Variants in GBP2 observed in about 807,000 individuals in gnomAD.
GBP2 encodes the protein guanylate-binding protein 2.
Under a neutral mutation model 60.8 loss-of-function variants are expected in GBP2, and 54 were observed. The ratio of observed to expected loss-of-function variants is 0.89; its 90% confidence interval spans 0.71 to 1.11. The LOEUF (loss-of-function observed/expected upper bound fraction) is 1.11, where lower values mean the gene tolerates loss of function less well. GBP2 is among the 50% of genes most tolerant of loss of function. GBP2 has a pLI of 0.00. For missense variants in GBP2, 665 were observed against 703.3 expected, an observed-to-expected ratio of 0.95 and a Z score of 0.62; for synonymous variants, 243 against 256.5, an observed-to-expected ratio of 0.95 and a Z score of 0.50.
At position 89,117,615 on chromosome 1, in the gene GBP2, G is replaced by A; in HGVS notation, c.587C>T (p.Ala196Val). The change falls in exon 5 of 11, where the codon GCT (alanine) becomes GTT (valine). Residue 196 changes from alanine to valine, a missense_variant. Physicochemically the swap from Ala to Val is moderately conservative, Grantham distance 64. Coordinates refer to ENST00000370466, the MANE Select transcript of GBP2 (RefSeq NM_004120.5). ...ELEVDGEPIT[A>V]DDYLELSLKL... ...TAGCGAAAGCTCCAAGTAGTCATCA[G>A]CAGTGATGGGTTCTCCATCTACTTC... 1 of 1,614,054 alleles carries A rather than the reference G, an allele frequency of 6.2e-7. No homozygotes were observed. Among genetic ancestry groups the A allele is most frequent in the Non-Finnish European group, 8.5e-7 (1 of 1,179,954 alleles).
In GBP2 at chr1:89,109,766, C is replaced by T; in HGVS notation, c.1570G>A (p.Glu524Lys). The change falls in exon 10 of 11, where the codon GAA becomes AAA. Residue 524 changes from glutamate (E) to lysine (K), a missense_variant. By Grantham distance (56) the Glu-to-Lys change is moderately conservative. Transcript: ENST00000370466. ...TTCTCAGTCAATTGTTTCACATGTT[C>T]CTGATAACTCTTCTCTTTCTGTTCC... ...MMEQKEKSYQ[E>K]HVKQLTEKME... 1 of 1,613,988 alleles carries T rather than the reference C, an allele frequency of 6.2e-7. No individual in the cohort carries two copies. The highest frequency in any genetic ancestry group is 8.5e-7 in the Non-Finnish European group (1 of 1,179,900).
Position 89,117,622 on chromosome 1 carries a change from T to C in GBP2, c.580A>G (p.Ile194Val). 1 of 1,614,132 alleles carries C rather than the reference T, an allele frequency of 6.2e-7. No homozygotes were observed. The highest frequency in any genetic ancestry group is 8.5e-7 in the Non-Finnish European group (1 of 1,179,986). ...TLELEVDGEP[I>V]TADDYLELSL... ...AGCTCCAAGTAGTCATCAGCAGTGA[T>C]GGGTTCTCCATCTACTTCCAGTTCC... is the stretch of plus-strand genomic sequence containing the variant. The change falls in exon 5 of 11, where the codon ATC becomes GTC. Residue 194 changes from isoleucine (I) to valine (V), a missense_variant. Coordinates refer to ENST00000370466, the MANE Select transcript of GBP2 (RefSeq NM_004120.5).
Position 89,126,094 on chromosome 1 carries a change from T to C in GBP2, c.-249A>G, listed in dbSNP as rs1044284982. 1 of 152,208 alleles carries C rather than the reference T, an allele frequency of 6.6e-6. No homozygotes were observed. Among genetic ancestry groups the C allele is most frequent in the African/African-American group, 2.4e-5 (1 of 41,452 alleles). 9.4% of individuals were successfully genotyped at this position (152,208 alleles called of 1,614,324 possible). On this transcript the variant is annotated 5_prime_UTR_variant, in exon 1 of 11. Transcript: ENST00000370466. Reference sequence around the variant, plus strand: ...AGAGACAAGAAAAAGAGGTAACCTCTGCAAAGAAATGCACTAATATGAAAC... The same window carrying C: ...AGAGACAAGAAAAAGAGGTAACCTCCGCAAAGAAATGCACTAATATGAAAC...
At position 89,124,794 on chromosome 1, in the gene GBP2, TCTG is replaced by T. The variant is rs757668244; in HGVS notation, c.-18+1066_-18+1068del. ...TATCTCAAATCTGACATGTAGAAAA[TCTG>T]CTGATTTTTTACTCAATTATGTTAC... On this transcript the variant is annotated intron_variant, in intron 1 of 10. Transcript: ENST00000370466. Among the ~76,000 whole-genome samples, 56 of 152,332 alleles carry T rather than the reference TCTG, an allele frequency of 3.7e-4. 6 individuals are homozygous for T. The highest frequency in any genetic ancestry group is 9.2e-4 in the Admixed American group (14 of 15,300).
At position 89,121,861 on chromosome 1, in the gene GBP2, G is replaced by T. The variant is rs759711420; in HGVS notation, c.106C>A (p.Gln36Lys). Residue 36 changes from glutamine (Q) to lysine (K), a missense_variant, in exon 2 of 11, where the codon CAG (glutamine) becomes AAG (lysine). Transcript: ENST00000370466. ...EALKILSAIT[Q>K]PVVVVAIVGL... ...ACAATCGCCACCACCACCACAGGCTGCGTAATTGCAGATAGGATCTTCAGA... is the reference window on the plus strand; with the variant it reads ...ACAATCGCCACCACCACCACAGGCTTCGTAATTGCAGATAGGATCTTCAGA... 4 of 1,614,144 alleles carry T rather than the reference G, an allele frequency of 2.5e-6. No individual in the cohort carries two copies. The South Asian group carries it at 4.4e-5, about 18-fold the overall frequency.
chr1:89,110,157 T>G lies in GBP2; in HGVS notation c.1465+7A>C. 6.3e-7 allele frequency: 1 copy of G among 1,597,742 alleles called. No individual in the cohort carries two copies. Among genetic ancestry groups the G allele is most frequent in the Non-Finnish European group, 8.6e-7 (1 of 1,165,754 alleles). On this transcript the variant is annotated splice_region_variant and intron_variant, in intron 9 of 10. Coordinates refer to ENST00000370466, the MANE Select transcript of GBP2 (RefSeq NM_004120.5). Reference sequence around the variant, plus strand: ...CGACCATGTAGAGTGTTTTCAGCTGTTCTCACCTTCAATCGCTTTTTCCTT... The same window carrying G: ...CGACCATGTAGAGTGTTTTCAGCTGGTCTCACCTTCAATCGCTTTTTCCTT...
At chr1:89,119,009 T>C (rs917322172) in intron 4 of GBP2, 2 of 152,290 alleles carry the variant, frequency 1.3e-5, no homozygotes, top group South Asian at 4.1e-4. Context: ...GATTTGATGG[T>C]GATAAACATA....
intron 1 of GBP2, among the ~76,000 whole-genome samples, chr1:89,124,736 A>C (rs1404450800): frequency 6.6e-6 from 1 of 152,204 alleles, no homozygotes; most frequent in African/African-American, 2.4e-5. Flanking sequence ...TTTGCTGTGA[A>C]TCAGCATTCA....
In GBP2 at chr1:89,110,791, C is replaced by A. The variant is rs182580790; in HGVS notation, c.1363-525G>T. 6.0e-4 allele frequency among the ~76,000 whole-genome samples: 92 copies of A among 152,278 alleles called. 1 individual carries two copies. The highest frequency in any genetic ancestry group is 2.7e-3 in the Admixed American group (41 of 15,300). On this transcript the variant is annotated intron_variant, in intron 8 of 10. Transcript: ENST00000370466. ...TACACCAAAATCTCAGAAATCACCA[C>A]TAAAGAACTTATTCATGTAACCAAA...
intron 6 of GBP2, 45 bp from the exon 7 acceptor site, chr1:89,114,341 G>A (rs116671729): frequency 0.018 from 28,979 of 1,596,464 alleles, 314 homozygotes; most frequent in Middle Eastern, 0.037. Context: ...CAGTTGGTGG[G>A]ACAGAATATT....
intron 7 of GBP2, 46 bp downstream of exon 7, chr1:89,113,970 G>A (rs1476973823): frequency 1.2e-6 from 2 of 1,600,518 alleles, no homozygotes; most frequent in Non-Finnish European, 1.7e-6. Flanking sequence ...TTCCCATGAA[G>A]GGCCCATATT....
At chr1:89,112,438 A>C in intron 8 of GBP2, 34 bp downstream of exon 8, 4 of 1,582,634 alleles carry the variant, frequency 2.5e-6, no homozygotes, top group Non-Finnish European at 3.5e-6. Context: ...CCCCTCAGCG[A>C]GTCCCAAGAA....
intron 4 of GBP2, chr1:89,118,430 A>C (rs990497917): frequency 2.0e-5 from 3 of 152,226 alleles, no homozygotes; most frequent in South Asian, 2.1e-4. Flanking sequence ...CAGAAGCCTT[A>C]AAATAAATAG....
At chr1:89,117,449 C>G in intron 5 of GBP2, 128 bp downstream of exon 5, 1 of 965,616 alleles carries the variant, frequency 1.0e-6, no homozygotes, top group South Asian at 1.6e-5. Context: ...GCAATGTTTC[C>G]ATTTCCTCTA....
At chr1:89,124,240 C>T (rs1570326073) in intron 1 of GBP2, among the ~76,000 whole-genome samples, 1 of 152,162 alleles carries the variant, frequency 6.6e-6, no homozygotes, top group Non-Finnish European at 1.5e-5. Flanking sequence ...ATAGGAGTAA[C>T]TTTAGGATAG....
chr1:89,112,972 A>G (rs1681193802), intron 7 of GBP2: 1 of 400,576 alleles, frequency 2.5e-6, no homozygotes, highest in Non-Finnish European at 4.6e-6. Context: ...TATCTTTCCA[A>G]GTCTCTCATT....
In GBP2 at chr1:89,117,165, T is replaced by C; in HGVS notation, c.695A>G (p.Lys232Arg). 2 of 1,614,206 alleles carry C rather than the reference T, an allele frequency of 1.2e-6. No homozygotes were observed. Among genetic ancestry groups the C allele is most frequent in the Admixed American group, 1.7e-5 (1 of 60,024 alleles). ...AGCGGGCCAATCGAAGACGAAGCAC[T>C]TCCTCTTGGGGAAGAACTTTCGGAT... ...LCIRKFFPKR[K>R]CFVFDWPAPK... The change falls in exon 6 of 11, where the codon AAG becomes AGG. Residue 232 changes from lysine to arginine, a missense_variant. Lys to Arg is a conservative substitution (Grantham distance 26). Coordinates refer to ENST00000370466, the MANE Select transcript of GBP2 (RefSeq NM_004120.5).
rs1681220393 is a variant in GBP2, at chr1:89,114,088, C to CTT, written c.1076_1077insAA (p.Ala362ArgfsTer7). On this transcript the variant is annotated frameshift_variant, in exon 7 of 11. Transcript: ENST00000370466. LOFTEE classifies it high-confidence loss of function. ...TCATGAAGACTTCAATGGCCTCTCT[C>CTT]TCACTGTCCCTGTGCAGGTCCAGCA... 6.2e-7 allele frequency: 1 copy of CTT among 1,614,236 alleles called. No homozygotes were observed. Among genetic ancestry groups the CTT allele is most frequent in the East Asian group, 2.2e-5 (1 of 44,882 alleles).
chr1:89,125,436 A>G lies in GBP2; in HGVS notation c.-18+427T>C, dbSNP rs12564958. Among the ~76,000 whole-genome samples the G allele has an allele frequency of 7.9e-4, 120 of 152,340 alleles. No homozygotes were observed. The East Asian group carries it at 0.021, about 27-fold the overall frequency. On this transcript the variant is annotated intron_variant, in intron 1 of 10. Transcript: ENST00000370466. ...GTAAACCACCTTAAAATGGGAATCA[A>G]TCAATGACTGACTCAGAAAAGTAGC...
Sources: allele counts gnomAD v4.1 joint callset (sites outside exome capture counted in the v4.1 genomes callset), GRCh38; gene constraint gnomAD v4.1.1; transcripts MANE v1.5; gene names NCBI Gene and HGNC (gene_info 2026-07-23, HGNC 2026-07-21).